The following EHMT1 variants were observed in gnomAD, a reference collection of about 807,000 sequenced individuals.
EHMT1 encodes the protein histone-lysine N-methyltransferase EHMT1.
In EHMT1, 15 loss-of-function variants were observed where a neutral mutation model predicts 147.2. The ratio of observed to expected loss-of-function variants is 0.10; its 90% confidence interval spans 0.07 to 0.16. The LOEUF is 0.16. Among genes scored for constraint, EHMT1 ranks in the 10% least tolerant of loss-of-function variants. The pLI, the probability that EHMT1 is intolerant of heterozygous loss-of-function variation, is 1.00. For missense variants in EHMT1, 1,587 were observed against 1,772.4 expected, an observed-to-expected ratio of 0.90 and a Z score of 1.88; for synonymous variants, 795 against 709.6, an observed-to-expected ratio of 1.12 and a Z score of -1.91.
chr9:137,688,182 C>A (rs759261701), intron 1 of EHMT1, among the ~76,000 whole-genome samples: 2 of 152,120 alleles, frequency 1.3e-5, no homozygotes, highest in Non-Finnish European at 2.9e-5. Flanking sequence ...CGCCACCACG[C>A]CTGGCTAATT....
chr9:137,797,774 A>T (rs1242160899), intron 16 of EHMT1, among the ~76,000 whole-genome samples: 3 of 151,864 alleles, frequency 2.0e-5, no homozygotes, highest in African/African-American at 4.8e-5. Flanking sequence ...CACCGAGATA[A>T]GGGGAGAAAG....
At chr9:137,624,447 C>A (rs1843129294) in intron 1 of EHMT1, among the ~76,000 whole-genome samples, 2 of 151,820 alleles carry the variant, frequency 1.3e-5, no homozygotes, top group Non-Finnish European at 2.9e-5. Context: ...TCCCGAGTAG[C>A]TGTGATTACA....
chr9:137,768,644 G>C (rs1950396823), intron 10 of EHMT1, among the ~76,000 whole-genome samples: 1 of 135,430 alleles, frequency 7.4e-6, no homozygotes, highest in Non-Finnish European at 1.5e-5. Flanking sequence ...CCGCCTCCCG[G>C]GTTCACGCCA....
At chr9:137,780,218 C>T (rs1015663107) in intron 14 of EHMT1, among the ~76,000 whole-genome samples, 4 of 135,362 alleles carry the variant, frequency 3.0e-5, no homozygotes, top group Non-Finnish European at 6.2e-5. Context: ...GTGGTGATGA[C>T]GCTGAGATGT....
intron 1 of EHMT1, among the ~76,000 whole-genome samples, chr9:137,685,985 C>T (rs1942391678): frequency 6.6e-6 from 1 of 152,070 alleles, no homozygotes; most frequent in Non-Finnish European, 1.5e-5. Context: ...ACTGTGTTGC[C>T]CAGGCTGGTC....
intron 9 of EHMT1, 27 bp downstream of exon 9, chr9:137,758,038 G>A (rs776381378): frequency 1.1e-5 from 17 of 1,613,746 alleles, no homozygotes; most frequent in East Asian, 4.5e-5. Context: ...AACTTAGACC[G>A]GGCACCATCT....
At chr9:137,754,848 G>C (rs1018256644) in intron 8 of EHMT1, among the ~76,000 whole-genome samples, 1 of 152,192 alleles carries the variant, frequency 6.6e-6, no homozygotes, top group Non-Finnish European at 1.5e-5. Flanking sequence ...GAACCGAGGT[G>C]AATCATTTGC....
chr9:137,817,732 T>C, intron 24 of EHMT1: 10 of 673,556 alleles, frequency 1.5e-5, no homozygotes, highest in Non-Finnish European at 2.3e-5. Context: ...AGCCCAGGAG[T>C]GCATTTAAGA....
At chr9:137,760,990 G>T (rs948140526) in intron 9 of EHMT1, among the ~76,000 whole-genome samples, 51 of 152,234 alleles carry the variant, frequency 3.4e-4, no homozygotes, top group Non-Finnish European at 1.0e-4. Flanking sequence ...CTGGGCGACA[G>T]AGCGAGACTC....
At chr9:137,632,307 G>C (rs1843686951) in intron 1 of EHMT1, among the ~76,000 whole-genome samples, 1 of 152,214 alleles carries the variant, frequency 6.6e-6, no homozygotes, top group Non-Finnish European at 1.5e-5. Flanking sequence ...CAGGGTTGGG[G>C]GAGGGTTGGG....
chr9:137,655,187 T>G (rs950264070), intron 1 of EHMT1, among the ~76,000 whole-genome samples: 3 of 152,018 alleles, frequency 2.0e-5, no homozygotes, highest in Non-Finnish European at 4.4e-5. Context: ...TTGTATTTTT[T>G]TATTTTTAGT....
chr9:137,806,980 G>A (rs1376984020), intron 18 of EHMT1, among the ~76,000 whole-genome samples: 1 of 152,134 alleles, frequency 6.6e-6, no homozygotes, highest in Non-Finnish European at 1.5e-5. Context: ...TTAGCAATTG[G>A]ATTTTCCTCT....
chr9:137,827,444 G>GACCCCA (rs1564834609), intron 25 of EHMT1, among the ~76,000 whole-genome samples: 1 of 151,990 alleles, frequency 6.6e-6, no homozygotes, highest in Non-Finnish European at 1.5e-5. Context: ...ACCCACGCCC[G>GACCCCA]GACCCCAGAC....
intron 1 of EHMT1, among the ~76,000 whole-genome samples, chr9:137,655,860 G>A (rs1012675971): frequency 2.0e-5 from 3 of 152,154 alleles, no homozygotes; most frequent in East Asian, 1.9e-4. Flanking sequence ...TGGAAACATC[G>A]TCTTCCATGA....
intron 3 of EHMT1, among the ~76,000 whole-genome samples, chr9:137,721,105 C>T (rs1266941342): frequency 6.6e-6 from 1 of 151,930 alleles, no homozygotes; most frequent in Admixed American, 6.6e-5. Flanking sequence ...GTGCGTATCC[C>T]TGTGACTGCT....
At chr9:137,669,447 G>T (rs1940219435) in intron 1 of EHMT1, among the ~76,000 whole-genome samples, 1 of 139,080 alleles carries the variant, frequency 7.2e-6, no homozygotes, top group South Asian at 2.2e-4. Flanking sequence ...CCCACAGCAC[G>T]TGCACTCACC....
intron 15 of EHMT1, chr9:137,785,473 T>TGAGGGTGGGGTGTGCTGAGCCCGTGAGGG (rs1564757546): frequency 1.3e-5 from 2 of 153,136 alleles, no homozygotes; most frequent in African/African-American, 4.8e-5. Flanking sequence ...GCTGAGCCCA[T>TGAGGGTGGGGTGTGCTGAGCCCGTGAGGG]TCTCCATGTC....
chr9:137,823,499 C>T lies in EHMT1; in HGVS notation c.3540+5361C>T, dbSNP rs192430343. Reference sequence around the variant, plus strand: ...CAATCTCGGCTCACTGCAAGCTCCGCCTCCCGGATTCACGCCATTCTCCTG... The same window carrying T: ...CAATCTCGGCTCACTGCAAGCTCCGTCTCCCGGATTCACGCCATTCTCCTG... On this transcript the variant is annotated intron_variant, in intron 25 of 26. Coordinates refer to ENST00000460843, the MANE Select transcript of EHMT1 (RefSeq NM_024757.5). 2.6e-3 allele frequency: 821 copies of T among 310,036 alleles called. 6 individuals carry two copies. The highest frequency in any genetic ancestry group is 0.018 in the African/African-American group (769 of 42,096). 19.2% of individuals were successfully genotyped at this position (310,036 alleles called of 1,614,324 possible).
intron 1 of EHMT1, among the ~76,000 whole-genome samples, chr9:137,628,560 G>A (rs1446659215): frequency 2.0e-5 from 3 of 152,174 alleles, no homozygotes; most frequent in Admixed American, 6.6e-5. Context: ...GATCACAGGC[G>A]TGAACTGCTG....
Sources: gnomAD v4.1 joint callset for allele counts (sites outside exome capture counted in the v4.1 genomes callset) on GRCh38, gnomAD v4.1.1 for gene constraint, MANE v1.5 for transcripts, NCBI Gene and HGNC (gene_info 2026-07-23, HGNC 2026-07-21) for gene names.